The following ADGRL2 variants were observed in gnomAD, a reference collection of about 807,000 sequenced individuals.
The protein encoded by ADGRL2 is adhesion G protein-coupled receptor L2, also known as calcium-independent alpha-latrotoxin receptor 2.
ADGRL2 carries 44 observed loss-of-function variants against 157.4 expected under a neutral mutation model. That is an observed-to-expected ratio of 0.28 (90% confidence interval 0.22 to 0.36). The LOEUF (loss-of-function observed/expected upper bound fraction) is 0.36, where lower values mean the gene tolerates loss of function less well. Among genes scored for constraint, ADGRL2 ranks in the 10% least tolerant of loss-of-function variants. ADGRL2 has a pLI of 1.00. For missense variants in ADGRL2, 1,510 were observed against 1,768.9 expected, an observed-to-expected ratio of 0.85 and a Z score of 2.63; for synonymous variants, 585 against 624.7, an observed-to-expected ratio of 0.94 and a Z score of 0.95.
Position 81,943,912 on chromosome 1 carries a change from T to C in ADGRL2, c.1210+143T>C. 1 of 635,818 alleles carries C rather than the reference T, an allele frequency of 1.6e-6. No individual in the cohort carries two copies. The highest frequency in any genetic ancestry group is 2.6e-6 in the Non-Finnish European group (1 of 377,400). 39.4% of individuals were successfully genotyped at this position (635,818 alleles called of 1,614,324 possible). A position where few individuals can be genotyped will look rare whatever the true frequency, so the allele number is the denominator to read the frequency against. ...ACAATGTTGTGGTACATTTTAGCCT[T>C]ATTATGGTTCGTTTTCTTTTTCTCA... On this transcript the variant is annotated intron_variant, in intron 6 of 23. Transcript: ENST00000686636. This position sits in a 1 kb window ranked among gnomAD's most constrained non-coding sequence, Gnocchi z 5.6.
At chr1:81,592,471 C>A (rs2081151379) in intron 3 of ADGRL2, among the ~76,000 whole-genome samples, 1 of 152,168 alleles carries the variant, frequency 6.6e-6, no homozygotes, top group Non-Finnish European at 1.5e-5. Flanking sequence ...AACAATAATG[C>A]ATCTGCCACC....
chr1:81,313,036 A>G (rs1659861798), intron 1 of ADGRL2, among the ~76,000 whole-genome samples: 1 of 152,172 alleles, frequency 6.6e-6, no homozygotes, highest in Non-Finnish European at 1.5e-5. Context: ...GAAATAAAAT[A>G]ATGTCTGCTA....
intron 1 of ADGRL2, among the ~76,000 whole-genome samples, chr1:81,402,314 T>G (rs2101278586): frequency 6.6e-6 from 1 of 152,268 alleles, no homozygotes; most frequent in Middle Eastern, 3.4e-3. Flanking sequence ...CCTAGTATGT[T>G]ATTTCACCTG....
chr1:81,687,873 G>A (rs370749728), intron 3 of ADGRL2, among the ~76,000 whole-genome samples: 1 of 152,090 alleles, frequency 6.6e-6, no homozygotes, highest in African/African-American at 2.4e-5. Context: ...TGGTAATGGC[G>A]AATTCTCTCA....
intron 1 of ADGRL2, chr1:81,426,485 C>T (rs2077218424): frequency 2.5e-6 from 1 of 394,802 alleles, no homozygotes; most frequent in Non-Finnish European, 4.9e-6. Context: ...CCCAGTGGCC[C>T]CAAGCCCAAT....
chr1:81,578,164 G>A (rs1570553075), intron 2 of ADGRL2, among the ~76,000 whole-genome samples: 1 of 152,258 alleles, frequency 6.6e-6, no homozygotes, highest in East Asian at 1.9e-4. Flanking sequence ...ATACAATGGG[G>A]AAATTCATTG....
chr1:81,632,872 T>C (rs899196201), intron 3 of ADGRL2, among the ~76,000 whole-genome samples: 1 of 152,168 alleles, frequency 6.6e-6, no homozygotes, highest in African/African-American at 2.4e-5. Context: ...AGTAAGGTCT[T>C]TTATTCTAAG....
At chr1:81,350,080 A>T (rs1358296803) in intron 1 of ADGRL2, among the ~76,000 whole-genome samples, 1 of 152,112 alleles carries the variant, frequency 6.6e-6, no homozygotes, top group Non-Finnish European at 1.5e-5. Flanking sequence ...TTTATTGTTC[A>T]CCTTTCTTTA....
chr1:81,780,976 T>G (rs1335296040), intron 2 of ADGRL2, among the ~76,000 whole-genome samples: 1 of 152,206 alleles, frequency 6.6e-6, no homozygotes, highest in Non-Finnish European at 1.5e-5. Context: ...AGTTTTCTCA[T>G]TTGTTAAAGG....
At chr1:81,413,772 C>T (rs1234288248) in intron 1 of ADGRL2, among the ~76,000 whole-genome samples, 2 of 152,140 alleles carry the variant, frequency 1.3e-5, no homozygotes, top group Non-Finnish European at 2.9e-5. Context: ...ATGTGATAGA[C>T]TATGTAATTG....
At chr1:81,324,175 A>T (rs1370670244) in intron 1 of ADGRL2, among the ~76,000 whole-genome samples, 3 of 152,106 alleles carry the variant, frequency 2.0e-5, no homozygotes, top group African/African-American at 4.8e-5. Flanking sequence ...CTTCAAGCGG[A>T]GGAGATGGAG....
chr1:81,722,744 T>A, intron 1 of ADGRL2: 1 of 871,224 alleles, frequency 1.1e-6, no homozygotes, highest in South Asian at 1.3e-5. Context: ...ATAGAAAGAG[T>A]TAAGAAGGCT....
intron 2 of ADGRL2, among the ~76,000 whole-genome samples, chr1:81,839,999 A>C (rs1012141354): frequency 1.3e-5 from 2 of 150,144 alleles, no homozygotes; most frequent in Admixed American, 1.3e-4. Flanking sequence ...CCACTCGTTG[A>C]TTGATGGGCA....
Position 81,648,913 on chromosome 1 carries a change from TCA to T in ADGRL2, c.-143+67934_-143+67935del, listed in dbSNP as rs1229113827. ...TACTGTACAGGACAAGTGTCTACCT[TCA>T]GAGTCCTTTGGACACTTGGAACCGG... On this transcript the variant is annotated intron_variant, in intron 3 of 24. Coordinates refer to the ADGRL2 transcript ENST00000370721. Among the ~76,000 whole-genome samples, 3 of 152,168 alleles carry T rather than the reference TCA, an allele frequency of 2.0e-5. No homozygotes were observed. The East Asian group carries it at 5.8e-4, about 29-fold the overall frequency.
intron 1 of ADGRL2, among the ~76,000 whole-genome samples, chr1:81,753,264 A>G (rs1176975465): frequency 2.0e-5 from 3 of 152,228 alleles, no homozygotes; most frequent in Non-Finnish European, 2.9e-5. Flanking sequence ...AGCAAGTCAC[A>G]TCTTAATGTG....
At chr1:81,627,909 A>G (rs2081941119) in intron 3 of ADGRL2, among the ~76,000 whole-genome samples, 1 of 152,294 alleles carries the variant, frequency 6.6e-6, no homozygotes, top group African/African-American at 2.4e-5. Flanking sequence ...AGCAGCCAGG[A>G]GCCATCCTTG....
intron 6 of ADGRL2, among the ~76,000 whole-genome samples, chr1:81,947,823 A>G (rs1461574859): frequency 1.3e-5 from 2 of 152,204 alleles, no homozygotes; most frequent in South Asian, 2.1e-4. Context: ...TAGTTTTGTC[A>G]CTTAAGCTTT....
At chr1:81,490,789 A>G (rs1234902282) in intron 2 of ADGRL2, among the ~76,000 whole-genome samples, 3 of 152,218 alleles carry the variant, frequency 2.0e-5, no homozygotes, top group African/African-American at 7.2e-5. Context: ...TCCTAAGCAT[A>G]TCCTTTACAT....
chr1:81,533,109 TGGC>T (rs2079645116), intron 2 of ADGRL2, among the ~76,000 whole-genome samples: 1 of 152,186 alleles, frequency 6.6e-6, no homozygotes, highest in African/African-American at 2.4e-5. Flanking sequence ...CCAGGTGTGG[TGGC>T]TCACACCTGT....
Sources: gnomAD v4.1 joint callset for allele counts (sites outside exome capture counted in the v4.1 genomes callset) on GRCh38, gnomAD v4.1.1 for gene constraint, Gnocchi (gnomAD v3.1) non-coding constraint, MANE v1.5 for transcripts, NCBI Gene and HGNC (gene_info 2026-07-23, HGNC 2026-07-21) for gene names.